The following LYPD1 variants were observed in gnomAD, a reference collection of about 807,000 sequenced individuals.
The protein encoded by LYPD1 is LY6/PLAUR domain containing 1.
Under a neutral mutation model 14.2 loss-of-function variants are expected in LYPD1, and 14 were observed. That is an observed-to-expected ratio of 0.99 (90% CI 0.65 to 1.54). The LOEUF (loss-of-function observed/expected upper bound fraction) is 1.54. Among genes scored for constraint, LYPD1 ranks in the 40% most tolerant of loss-of-function variants. The pLI is 0.00. For synonymous variants in LYPD1, 85 were observed against 70.6 expected, an observed-to-expected ratio of 1.20 and a Z score of -1.02; for missense variants, 165 against 175.7, an observed-to-expected ratio of 0.94 and a Z score of 0.34.
intron 2 of LYPD1, among the ~76,000 whole-genome samples, chr2:132,657,794 A>C (rs1175612164): frequency 6.6e-6 from 1 of 152,082 alleles, no homozygotes; most frequent in Non-Finnish European, 1.5e-5. Flanking sequence ...TTGACTATAC[A>C]TTTCAGCGTT....
At chr2:132,652,626 A>C (rs569279742) in intron 2 of LYPD1, among the ~76,000 whole-genome samples, 23 of 152,334 alleles carry the variant, frequency 1.5e-4, no homozygotes, top group African/African-American at 5.5e-4. Context: ...GCAGAGGCAC[A>C]GAGATGTGTC....
intron 2 of LYPD1, among the ~76,000 whole-genome samples, chr2:132,653,770 A>G (rs1193590738): frequency 1.3e-5 from 2 of 152,234 alleles, no homozygotes; most frequent in African/African-American, 2.4e-5. Context: ...CATTGACAGC[A>G]TGCGCCCCTT....
chr2:132,665,871 T>C (rs770164878), intron 2 of LYPD1, among the ~76,000 whole-genome samples: 6 of 152,192 alleles, frequency 3.9e-5, no homozygotes, highest in Non-Finnish European at 7.3e-5. Context: ...ACATGCATCT[T>C]TAACTAGGAG....
Position 132,645,005 on chromosome 2 carries a change from A to G in LYPD1, c.*1040T>C. 3 of 1,406,302 alleles carry G rather than the reference A, an allele frequency of 2.1e-6. No individual in the cohort carries two copies. Among genetic ancestry groups the G allele is most frequent in the Non-Finnish European group, 2.9e-6 (3 of 1,036,282 alleles). The allele number at this position is 1,406,302 out of a possible 1,614,324, so 87.1% of individuals were successfully genotyped here. A position where few individuals can be genotyped will look rare whatever the true frequency, so the allele number is the denominator to read the frequency against. On this transcript the variant is annotated 3_prime_UTR_variant, in exon 3 of 3. Coordinates refer to ENST00000397463, the MANE Select transcript of LYPD1 (RefSeq NM_144586.7). ...ATTTCCTGGCCAGTAAGCACAGAAC[A>G]GAGGGGCTAAATATTTTATGGTTTT...
At chr2:132,647,661 T>G (rs1428390697) in intron 2 of LYPD1, among the ~76,000 whole-genome samples, 1 of 152,022 alleles carries the variant, frequency 6.6e-6, no homozygotes, top group Non-Finnish European at 1.5e-5. Flanking sequence ...AATGAATTAT[T>G]TTTTTTGGAT....
At chr2:132,657,442 T>C (rs1682666144) in intron 2 of LYPD1, among the ~76,000 whole-genome samples, 1 of 152,216 alleles carries the variant, frequency 6.6e-6, no homozygotes, top group Non-Finnish European at 1.5e-5. Flanking sequence ...CTGATTATTG[T>C]TCTCAAATGG....
intron 2 of LYPD1, among the ~76,000 whole-genome samples, chr2:132,650,387 T>G (rs1211115436): frequency 6.6e-6 from 1 of 152,198 alleles, no homozygotes; most frequent in Non-Finnish European, 1.5e-5. Flanking sequence ...ATAATTTCCA[T>G]GAAGGCAACG....
intron 2 of LYPD1, among the ~76,000 whole-genome samples, chr2:132,649,230 C>T (rs1024207870): frequency 2.6e-5 from 4 of 152,102 alleles, no homozygotes; most frequent in Admixed American, 1.3e-4. Flanking sequence ...TTAAAGAGGG[C>T]TTTCAGAAAA....
At chr2:132,654,395 G>A (rs1254802386) in intron 2 of LYPD1, among the ~76,000 whole-genome samples, 1 of 90,498 alleles carries the variant, frequency 1.1e-5, no homozygotes, top group Non-Finnish European at 2.3e-5. Flanking sequence ...GTGAGACCCT[G>A]TCTCAAAAAA....
At position 132,646,016 on chromosome 2, in the gene LYPD1, T is replaced by C. The variant is rs1358034655; in HGVS notation, c.*29A>G. On this transcript the variant is annotated 3_prime_UTR_variant, in exon 3 of 3. Transcript: ENST00000397463. ...TTGGGGGCGAGGGCTGGAAGAACAA[T>C]GCAGGAGGGGGTGGCATCTCCTTCA... 6.7e-7 allele frequency: 1 copy of C among 1,489,152 alleles called. No homozygotes were observed. Among genetic ancestry groups the C allele is most frequent in the East Asian group, 2.4e-5 (1 of 42,538 alleles). 92.2% of individuals were successfully genotyped at this position (1,489,152 alleles called of 1,614,324 possible). A position where few individuals can be genotyped will look rare whatever the true frequency, so the allele number is the denominator to read the frequency against.
At chr2:132,651,272 T>C (rs4954350) in intron 2 of LYPD1, among the ~76,000 whole-genome samples, 151,951 of 152,336 alleles carry the variant, frequency 1, 75,784 homozygotes, top group East Asian at 1. Flanking sequence ...AGTACAAGGT[T>C]CTTCCTAGCT....
chr2:132,647,854 T>C (rs1682188133), intron 2 of LYPD1, among the ~76,000 whole-genome samples: 1 of 152,160 alleles, frequency 6.6e-6, no homozygotes, highest in African/African-American at 2.4e-5. Flanking sequence ...GAATTGCCAC[T>C]TTGGGTGCTA....
intron 2 of LYPD1, among the ~76,000 whole-genome samples, chr2:132,654,445 G>A (rs1682477613): frequency 6.6e-6 from 1 of 151,534 alleles, no homozygotes; most frequent in Admixed American, 6.6e-5. Context: ...AAATCTCCAT[G>A]TTCTTTCTGT....
rs1157851648 is a variant in LYPD1 at position 132,644,283 on chromosome 2, C to G, written c.*1762G>C. On this transcript the variant is annotated 3_prime_UTR_variant, in exon 3 of 3. Coordinates refer to ENST00000397463, the MANE Select transcript of LYPD1 (RefSeq NM_144586.7). ...AGTAAACATTTGATCTACAGAAGGG[C>G]CTTTGAGTGGTCTCTTCTCTAGGGC... Among the ~76,000 whole-genome samples, 1 of 152,172 alleles carries G rather than the reference C, an allele frequency of 6.6e-6. No homozygotes were observed. The highest frequency in any genetic ancestry group is 2.4e-5 in the African/African-American group (1 of 41,438).
intron 2 of LYPD1, among the ~76,000 whole-genome samples, chr2:132,662,293 ATT>A (rs1430545739): frequency 2.0e-5 from 3 of 152,174 alleles, no homozygotes; most frequent in Non-Finnish European, 4.4e-5. Flanking sequence ...TACTGACCGC[ATT>A]TCTCATTCTC....
intron 2 of LYPD1, among the ~76,000 whole-genome samples, chr2:132,647,353 A>T (rs1242434815): frequency 1.3e-5 from 2 of 152,240 alleles, no homozygotes; most frequent in Non-Finnish European, 2.9e-5. Flanking sequence ...AGTAAATTGG[A>T]TTGCCAATTA....
Position 132,645,771 on chromosome 2 carries a change from C to A in LYPD1, c.*274G>T, listed in dbSNP as rs1377572153. ...CAGTGACTTCTAAGGACTGACTCTG[C>A]CAGCCTGGCCTTGACTCCGGTTACA... On this transcript the variant is annotated 3_prime_UTR_variant, in exon 3 of 3. Transcript: ENST00000397463. 3 of 999,098 alleles carry A rather than the reference C, an allele frequency of 3.0e-6. No homozygotes were observed. Among genetic ancestry groups the A allele is most frequent in the African/African-American group, 3.2e-5 (2 of 61,550 alleles). The allele number at this position is 999,098 out of a possible 1,614,324, so 61.9% of individuals were successfully genotyped here.
rs1681959323 is a variant in LYPD1, at chr2:132,644,719, T to A, written c.*1326A>T. The A allele has an allele frequency of 4.8e-6, 1 of 207,310 alleles. No homozygotes were observed. Among genetic ancestry groups the A allele is most frequent in the Non-Finnish European group, 9.7e-6 (1 of 103,238 alleles). The allele number at this position is 207,310 out of a possible 1,614,324, so 12.8% of individuals were successfully genotyped here. ...CTTTATCTAATGCAGCTATACTGTA[T>A]GTATACATCTTTTTCTTTAAAACAA... On this transcript the variant is annotated 3_prime_UTR_variant, in exon 3 of 3. Coordinates refer to ENST00000397463, the MANE Select transcript of LYPD1 (RefSeq NM_144586.7).
upstream of LYPD1, among the ~76,000 whole-genome samples, chr2:132,670,814 G>T (rs1242303577): frequency 6.6e-6 from 1 of 152,130 alleles, no homozygotes. This position sits in a 1 kb window ranked among gnomAD's most constrained non-coding sequence, Gnocchi z 4.5. Flanking sequence ...GGGTGGGGGT[G>T]TGGTGGGGAC....
Sources: allele counts gnomAD v4.1 joint callset (sites outside exome capture counted in the v4.1 genomes callset), GRCh38; gene constraint gnomAD v4.1.1; non-coding constraint Gnocchi (gnomAD v3.1); transcripts MANE v1.5; gene names NCBI Gene and HGNC (gene_info 2026-07-23, HGNC 2026-07-21).